ANKRD30BL: variants seen among roughly 807,000 people sequenced by gnomAD.
ANKRD30BL encodes ankyrin repeat domain 30B like, also known as putative ankyrin repeat domain-containing protein 30B-like.
ANKRD30BL carries 20 observed loss-of-function variants against 18.4 expected under a neutral mutation model. The ratio of observed to expected loss-of-function variants is 1.09; its 90% confidence interval spans 0.77 to 1.58. The LOEUF (loss-of-function observed/expected upper bound fraction) is 1.58. Ranked by LOEUF, ANKRD30BL falls within the 40% of genes most tolerant of loss-of-function variation. ANKRD30BL has a pLI of 0.00. For synonymous variants in ANKRD30BL, 72 were observed against 100.9 expected (o/e 0.71, Z 1.72); for missense variants, 224 against 268.6 (o/e 0.83, Z 1.16).
intron 5 of ANKRD30BL, among the ~76,000 whole-genome samples, chr2:132,150,148 T>C (rs1687718058): frequency 6.6e-6 from 1 of 151,986 alleles, no homozygotes; most frequent in Admixed American, 6.6e-5. Flanking sequence ...ATGCAAATCA[T>C]TTATTACAAA....
At chr2:132,208,465 C>A (rs1350414355) in intron 1 of ANKRD30BL, among the ~76,000 whole-genome samples, 1 of 152,012 alleles carries the variant, frequency 6.6e-6, no homozygotes, top group African/African-American at 2.4e-5. Context: ...GCATATCAAC[C>A]GGATGCTGTC....
At chr2:132,171,771 A>C (rs2104941517) in intron 1 of ANKRD30BL, among the ~76,000 whole-genome samples, 1 of 152,326 alleles carries the variant, frequency 6.6e-6, no homozygotes, top group South Asian at 2.1e-4. Context: ...TTAAATGAAC[A>C]GTTCAGAGGA....
At position 132,196,976 on chromosome 2, in the gene ANKRD30BL, T is replaced by A. The variant is rs946987067; in HGVS notation, n.442-39830A>T. 2.0e-4 allele frequency among the ~76,000 whole-genome samples: 30 copies of A among 152,310 alleles called. 1 individual carries two copies. The highest frequency in any genetic ancestry group is 7.2e-4 in the African/African-American group (30 of 41,576). ...GTCAAGAAAGTCCCCAACACATGTATGATAGGAGTTTCAAAAGGAGTCCAA... is the reference window on the plus strand; with the variant it reads ...GTCAAGAAAGTCCCCAACACATGTAAGATAGGAGTTTCAAAAGGAGTCCAA... On this transcript the variant is annotated intron_variant and non_coding_transcript_variant, in intron 1 of 4. Transcript: ENST00000470729.
chr2:132,165,217 A>T (rs202144099), upstream of ANKRD30BL, among the ~76,000 whole-genome samples: 14 of 104,476 alleles, frequency 1.3e-4, no homozygotes, highest in African/African-American at 6.5e-4. Flanking sequence ...CAAATCATTT[A>T]TTTTTTTAGG....
At chr2:132,250,993 T>C (rs1680635132) in intron 1 of ANKRD30BL, among the ~76,000 whole-genome samples, 1 of 152,228 alleles carries the variant, frequency 6.6e-6, no homozygotes, top group African/African-American at 2.4e-5. Context: ...CCAGGGCACG[T>C]CAGGAAAAGG....
At chr2:132,200,540 C>A (rs1274779986) in intron 1 of ANKRD30BL, among the ~76,000 whole-genome samples, 2 of 152,158 alleles carry the variant, frequency 1.3e-5, no homozygotes, top group Non-Finnish European at 2.9e-5. Flanking sequence ...AATTCCCATT[C>A]ACAATTGCTT....
chr2:132,190,744 C>T (rs1023725042), intron 1 of ANKRD30BL, among the ~76,000 whole-genome samples: 8 of 152,194 alleles, frequency 5.3e-5, no homozygotes, highest in African/African-American at 1.9e-4. Flanking sequence ...TTGCCAGTTA[C>T]ACATTTAGAT....
At chr2:132,186,172 T>C (rs905069186) in intron 1 of ANKRD30BL, among the ~76,000 whole-genome samples, 1 of 151,778 alleles carries the variant, frequency 6.6e-6, no homozygotes, top group African/African-American at 2.4e-5. Flanking sequence ...AAGGAATTCT[T>C]CTCAAAAAAC....
chr2:132,160,617 T>C (rs1354149176), intron 1 of ANKRD30BL, among the ~76,000 whole-genome samples: 1 of 150,860 alleles, frequency 6.6e-6, no homozygotes, highest in Non-Finnish European at 1.5e-5. Context: ...TTTTTGTATT[T>C]TTAGTAGAGA....
At chr2:132,178,906 A>C (rs1436171985) in intron 1 of ANKRD30BL, among the ~76,000 whole-genome samples, 1 of 151,722 alleles carries the variant, frequency 6.6e-6, no homozygotes, top group East Asian at 1.9e-4. Context: ...ATTTGATAGA[A>C]TTCTGAGGTT....
At chr2:132,221,898 C>T (rs1679698548) in intron 1 of ANKRD30BL, among the ~76,000 whole-genome samples, 1 of 124,638 alleles carries the variant, frequency 8.0e-6, no homozygotes, top group South Asian at 2.5e-4. Context: ...CAGCCAGCCG[C>T]CCCGTCTGGG....
chr2:132,238,855 T>C (rs1680234850), intron 1 of ANKRD30BL, among the ~76,000 whole-genome samples: 1 of 151,848 alleles, frequency 6.6e-6, no homozygotes, highest in South Asian at 2.1e-4. Context: ...CATCTCGCAG[T>C]TGAACATTCC....
At chr2:132,224,704 C>A (rs1236610915) in intron 1 of ANKRD30BL, among the ~76,000 whole-genome samples, 2 of 151,840 alleles carry the variant, frequency 1.3e-5, no homozygotes, top group East Asian at 3.9e-4. Context: ...GCATTCAATT[C>A]ACAGAGTAGA....
chr2:132,246,920 A>G (rs797010069), intron 1 of ANKRD30BL, among the ~76,000 whole-genome samples: 4 of 152,006 alleles, frequency 2.6e-5, no homozygotes, highest in African/African-American at 9.7e-5. Context: ...CTCTTTTTGT[A>G]GTATCTGCAA....
intron 1 of ANKRD30BL, among the ~76,000 whole-genome samples, chr2:132,240,392 C>T (rs1680282967): frequency 1.3e-5 from 2 of 151,704 alleles, no homozygotes; most frequent in East Asian, 1.9e-4. Flanking sequence ...CAAAGTGGAA[C>T]GTTACTTTTC....
At chr2:132,183,592 C>T (rs1451595999) in intron 1 of ANKRD30BL, among the ~76,000 whole-genome samples, 1 of 151,718 alleles carries the variant, frequency 6.6e-6, no homozygotes, top group Admixed American at 6.6e-5. Context: ...CTAGAAGTTC[C>T]AAGAAAATGG....
chr2:132,256,516 G>T (rs1680843902), intron 1 of ANKRD30BL, among the ~76,000 whole-genome samples: 1 of 152,254 alleles, frequency 6.6e-6, no homozygotes, highest in Non-Finnish European at 1.5e-5. Flanking sequence ...GCGAAGGAGA[G>T]GCGGACCGCG....
chr2:132,183,749 A>C (rs939360076), intron 1 of ANKRD30BL, among the ~76,000 whole-genome samples: 4 of 151,830 alleles, frequency 2.6e-5, no homozygotes, highest in Admixed American at 6.6e-5. Flanking sequence ...ATATATGTAT[A>C]TGTGTGTATA....
At chr2:132,185,376 T>G (rs1688545448) in intron 1 of ANKRD30BL, among the ~76,000 whole-genome samples, 1 of 152,184 alleles carries the variant, frequency 6.6e-6, no homozygotes, top group Non-Finnish European at 1.5e-5. Context: ...GTCTAAACAG[T>G]GCATTGCAGG....
Sources: gnomAD v4.1 joint callset for allele counts (sites outside exome capture counted in the v4.1 genomes callset) on GRCh38, gnomAD v4.1.1 for gene constraint, MANE v1.5 for transcripts, NCBI Gene and HGNC (gene_info 2026-07-23, HGNC 2026-07-21) for gene names.